Variants in CAMK2D observed in about 807,000 individuals in gnomAD.
The protein encoded by CAMK2D is calcium/calmodulin dependent protein kinase II delta.
A neutral mutation model predicts 84.0 loss-of-function variants in CAMK2D; 37 were observed. The observed-to-expected ratio is 0.44, with a 90% CI of 0.34 to 0.58. The LOEUF (loss-of-function observed/expected upper bound fraction) is 0.58, where lower values mean the gene tolerates loss of function less well. CAMK2D is among the 20% of genes least tolerant of loss of function. The pLI, the probability that CAMK2D is intolerant of heterozygous loss-of-function variation, is 0.02. For synonymous variants in CAMK2D, 202 were observed against 212.5 expected, an observed-to-expected ratio of 0.95 and a Z score of 0.43; for missense variants, 448 against 652.5, an observed-to-expected ratio of 0.69 and a Z score of 3.41.
intron 4 of CAMK2D, among the ~76,000 whole-genome samples, chr4:113,580,427 T>C (rs2098802426): frequency 6.6e-6 from 1 of 152,242 alleles, no homozygotes; most frequent in Admixed American, 6.5e-5. Flanking sequence ...TTAGTATTGA[T>C]TTAGTACTGA....
chr4:113,596,844 G>A (rs2098929220), intron 4 of CAMK2D, among the ~76,000 whole-genome samples: 1 of 149,464 alleles, frequency 6.7e-6, no homozygotes, highest in South Asian at 2.1e-4. Context: ...TTTTGAGATG[G>A]AGCCTCGCTC....
intron 7 of CAMK2D, among the ~76,000 whole-genome samples, chr4:113,535,289 C>A (rs1156244343): frequency 6.6e-6 from 1 of 152,070 alleles, no homozygotes; most frequent in Non-Finnish European, 1.5e-5. Flanking sequence ...TAAACAGATT[C>A]CCTTAGAGTT....
In CAMK2D at chr4:113,603,021, C is replaced by T. The variant is rs917646929; in HGVS notation, c.275+6131G>A. On this transcript the variant is annotated intron_variant, in intron 4 of 20. Transcript: ENST00000511664. ...TGCCTGAAGGCCTCTCCCTTGGGGA[C>T]TACAATCTAGCTCCACTTCTCTTAT... Among the ~76,000 whole-genome samples, 18 of 152,236 alleles carry T rather than the reference C, an allele frequency of 1.2e-4. 1 individual carries two copies. Among genetic ancestry groups the T allele is most frequent in the African/African-American group, 4.3e-4 (18 of 41,538 alleles).
intron 2 of CAMK2D, among the ~76,000 whole-genome samples, chr4:113,664,727 C>T (rs528959832): frequency 1.3e-5 from 2 of 152,022 alleles, no homozygotes; most frequent in South Asian, 4.2e-4. Flanking sequence ...CCTAGGCTGG[C>T]CCAATTTCAA....
At chr4:113,604,699 T>C (rs942971837) in intron 4 of CAMK2D, among the ~76,000 whole-genome samples, 4 of 152,198 alleles carry the variant, frequency 2.6e-5, no homozygotes, top group Non-Finnish European at 5.9e-5. Context: ...GCTAAAGACA[T>C]AATCCACTTT....
At chr4:113,501,827 G>T (rs1175346078) in intron 15 of CAMK2D, among the ~76,000 whole-genome samples, 1 of 152,006 alleles carries the variant, frequency 6.6e-6, no homozygotes, top group East Asian at 1.9e-4. Flanking sequence ...ATTGGCTAAT[G>T]CTATTAAAAA....
chr4:113,740,473 T>C (rs2099590268), intron 2 of CAMK2D, among the ~76,000 whole-genome samples: 1 of 152,092 alleles, frequency 6.6e-6, no homozygotes, highest in African/African-American at 2.4e-5. Context: ...TTGCCTGGGT[T>C]TGAGGGAGAG....
intron 4 of CAMK2D, among the ~76,000 whole-genome samples, chr4:113,601,437 A>G (rs1459712864): frequency 6.6e-6 from 1 of 152,080 alleles, no homozygotes; most frequent in African/African-American, 2.4e-5. Flanking sequence ...TGAGGAAAAA[A>G]AAAACCACTA....
At chr4:113,754,546 G>A in intron 2 of CAMK2D, 11 of 973,466 alleles carry the variant, frequency 1.1e-5, no homozygotes, top group Non-Finnish European at 1.2e-5. Context: ...TCTAAACAAA[G>A]TTCTCACACA....
At chr4:113,474,987 A>G (rs879867470) in intron 16 of CAMK2D, among the ~76,000 whole-genome samples, 2 of 152,172 alleles carry the variant, frequency 1.3e-5, no homozygotes, top group Non-Finnish European at 2.9e-5. Flanking sequence ...TCCTCCCTTC[A>G]GTATTAATAG....
chr4:113,472,052 T>C (rs2097552439), intron 16 of CAMK2D, among the ~76,000 whole-genome samples: 1 of 152,192 alleles, frequency 6.6e-6, no homozygotes, highest in Non-Finnish European at 1.5e-5. Flanking sequence ...TCTTTTTCAA[T>C]ACCTTGCTCA....
At chr4:113,739,520 A>G (rs1327728608) in intron 2 of CAMK2D, among the ~76,000 whole-genome samples, 1 of 152,192 alleles carries the variant, frequency 6.6e-6, no homozygotes, top group Admixed American at 6.5e-5. Context: ...AAAAATAGCC[A>G]TCTACATCAA....
At chr4:113,663,486 G>T (rs892501794) in intron 2 of CAMK2D, among the ~76,000 whole-genome samples, 7 of 151,990 alleles carry the variant, frequency 4.6e-5, no homozygotes, top group Non-Finnish European at 8.8e-5. Flanking sequence ...CTACTCAGGA[G>T]GCTGAGGCAG....
At chr4:113,597,699 C>G (rs1203361283) in intron 4 of CAMK2D, among the ~76,000 whole-genome samples, 2 of 152,214 alleles carry the variant, frequency 1.3e-5, no homozygotes, top group African/African-American at 2.4e-5. Context: ...TTTGCATTCA[C>G]AACTCAGCTA....
At chr4:113,535,537 G>A (rs1183847313) in intron 7 of CAMK2D, among the ~76,000 whole-genome samples, 1 of 152,030 alleles carries the variant, frequency 6.6e-6, no homozygotes, top group Non-Finnish European at 1.5e-5. Context: ...AAATCTCTAA[G>A]GTGAAATCCA....
At chr4:113,704,482 C>G (rs1407341507) in intron 2 of CAMK2D, among the ~76,000 whole-genome samples, 1 of 152,078 alleles carries the variant, frequency 6.6e-6, no homozygotes, top group African/African-American at 2.4e-5. Flanking sequence ...ACATTTTATT[C>G]TTACTAGAAA....
At chr4:113,674,910 C>T (rs1016043289) in intron 2 of CAMK2D, among the ~76,000 whole-genome samples, 1 of 151,842 alleles carries the variant, frequency 6.6e-6, no homozygotes, top group Admixed American at 6.6e-5. Context: ...CTCCTTAAAA[C>T]TTGAGACTCT....
chr4:113,533,483 T>C (rs1320458345), intron 7 of CAMK2D, among the ~76,000 whole-genome samples: 1 of 152,066 alleles, frequency 6.6e-6, no homozygotes, highest in East Asian at 1.9e-4. Flanking sequence ...GTTTCTTACT[T>C]TGAAAAACCA....
At chr4:113,749,997 C>T (rs1451195691) in intron 2 of CAMK2D, among the ~76,000 whole-genome samples, 2 of 152,100 alleles carry the variant, frequency 1.3e-5, no homozygotes, top group African/African-American at 2.4e-5. Context: ...ATTATTTGTC[C>T]ACTTATCCAA....
Sources: gnomAD v4.1 joint callset for allele counts (sites outside exome capture counted in the v4.1 genomes callset) on GRCh38, gnomAD v4.1.1 for gene constraint, MANE v1.5 for transcripts, NCBI Gene and HGNC (gene_info 2026-07-23, HGNC 2026-07-21) for gene names.